The following CYFIP2 variants were observed in gnomAD, a reference collection of about 807,000 sequenced individuals.
The protein encoded by CYFIP2 is cytoplasmic FMR1-interacting protein 2.
Under a neutral mutation model 158.7 loss-of-function variants are expected in CYFIP2, and 29 were observed. That is an observed-to-expected ratio of 0.18 (90% CI 0.14 to 0.25). The LOEUF (loss-of-function observed/expected upper bound fraction) is 0.25, where lower values mean the gene tolerates loss of function less well. CYFIP2 is among the 10% of genes least tolerant of loss of function. The pLI, the probability that CYFIP2 is intolerant of heterozygous loss-of-function variation, is 1.00. For synonymous variants in CYFIP2, 585 were observed against 617.6 expected (o/e 0.95, Z 0.78); for missense variants, 852 against 1,639.5 (o/e 0.52, Z 8.29).
At chr5:157,390,103 G>GC (rs1289364855) in intron 29 of CYFIP2, among the ~76,000 whole-genome samples, 2 of 152,286 alleles carry the variant, frequency 1.3e-5, no homozygotes, top group East Asian at 3.9e-4. Context: ...CCTGCTTCTG[G>GC]CCAGTTGGCC....
At chr5:157,359,256 C>A in intron 24 of CYFIP2, 108 bp downstream of exon 24, 1 of 1,292,708 alleles carries the variant, frequency 7.7e-7, no homozygotes, top group Non-Finnish European at 1.1e-6. Context: ...CCAGGCACTG[C>A]AGCTCTACCT....
intron 26 of CYFIP2, chr5:157,377,084 C>T (rs75971887): frequency 6.4e-4 from 201 of 311,972 alleles, no homozygotes; most frequent in Non-Finnish European, 1.0e-3. Context: ...TCTCCTTTGC[C>T]GCTACTCCTG....
intron 11 of CYFIP2, among the ~76,000 whole-genome samples, chr5:157,313,390 C>T (rs574199496): frequency 2.3e-4 from 35 of 152,312 alleles, no homozygotes; most frequent in African/African-American, 8.2e-4. Context: ...CATGTTACAG[C>T]TTTCTTGCAC....
chr5:157,269,694 T>G (rs559880446), intron 1 of CYFIP2: 340 of 152,298 alleles, frequency 2.2e-3, no homozygotes, highest in African/African-American at 7.9e-3. Context: ...AAGAAACAAT[T>G]TATTAATTAT....
chr5:157,268,676 T>A lies in CYFIP2; in HGVS notation c.-24+2481T>A, dbSNP rs543575987. ...ACAAAATGGCCTTTTGTAGCCTCCA[T>A]GTGGCCACCGTAACAATGAGTCTAT... On this transcript the variant is annotated intron_variant, in intron 1 of 30. Transcript: ENST00000620254. Among the ~76,000 whole-genome samples, 66 of 152,348 alleles carry A rather than the reference T, an allele frequency of 4.3e-4. 1 individual carries two copies. Among genetic ancestry groups the A allele is most frequent in the African/African-American group, 1.6e-3 (65 of 41,580 alleles).
intron 20 of CYFIP2, 123 bp downstream of exon 20, chr5:157,330,973 C>A: frequency 1.4e-6 from 1 of 723,616 alleles, no homozygotes. Flanking sequence ...GTGTGGATTT[C>A]CGAGCCTGGG....
chr5:157,383,923 T>C (rs1366243759), intron 28 of CYFIP2, among the ~76,000 whole-genome samples: 1 of 152,212 alleles, frequency 6.6e-6, no homozygotes, highest in Non-Finnish European at 1.5e-5. Flanking sequence ...CACAGTCAAT[T>C]GGATGAAGCA....
chr5:157,274,614 G>T (rs1299756208), intron 1 of CYFIP2, among the ~76,000 whole-genome samples: 1 of 152,134 alleles, frequency 6.6e-6, no homozygotes, highest in Non-Finnish European at 1.5e-5. Flanking sequence ...GGGTCAAATG[G>T]TAACTGTGTG....
chr5:157,304,341 C>T lies in CYFIP2; in HGVS notation c.770C>T (p.Pro257Leu). Residue 257 changes from proline (P) to leucine (L), a missense_variant, in exon 8 of 31, where the codon CCC becomes CTC. Coordinates refer to ENST00000620254, the MANE Select transcript of CYFIP2 (RefSeq NM_001037333.3). ...DYYENKMYLT[P>L]SEKHMLLKVM... The stretch of plus-strand genomic sequence containing the variant: ...TACGAGAACAAGATGTACCTGACTC[C>T]CAGTGAGAAACATATGCTCCTCAAG... 6.2e-7 allele frequency: 1 copy of T among 1,613,810 alleles called. No homozygotes were observed. Among genetic ancestry groups the T allele is most frequent in the Non-Finnish European group, 8.5e-7 (1 of 1,179,776 alleles).
Position 157,382,676 on chromosome 5 carries a change from A to G in CYFIP2, c.3112+14A>G, listed in dbSNP as rs1426130889. On this transcript the variant is annotated intron_variant, in intron 27 of 30. Transcript: ENST00000620254. ...TCTACATCAAAGGTAAGAAACCACT[A>G]CAGCAGCTGAATAGCCAACTGGCGT... 6.2e-7 allele frequency: 1 copy of G among 1,613,210 alleles called. No individual in the cohort carries two copies. Among genetic ancestry groups the G allele is most frequent in the Non-Finnish European group, 8.5e-7 (1 of 1,179,322 alleles).
chr5:157,327,115 AT>A (rs1454308759), intron 18 of CYFIP2, among the ~76,000 whole-genome samples: 1 of 152,154 alleles, frequency 6.6e-6, no homozygotes, highest in Non-Finnish European at 1.5e-5. Context: ...ATTTGGTTTG[AT>A]TCTTCATGTC....
chr5:157,341,042 C>G, intron 22 of CYFIP2, 28 bp from the exon 23 acceptor site: 1 of 1,601,864 alleles, frequency 6.2e-7, no homozygotes, highest in East Asian at 2.2e-5. Context: ...ACCATATTAA[C>G]TCTTTCCCAT....
intron 26 of CYFIP2, among the ~76,000 whole-genome samples, chr5:157,366,772 G>T (rs1305472116): frequency 1.3e-5 from 2 of 152,186 alleles, no homozygotes; most frequent in Non-Finnish European, 1.5e-5. Context: ...TTCTATTAAT[G>T]TCTAGTGTTT....
intron 15 of CYFIP2, among the ~76,000 whole-genome samples, chr5:157,321,542 C>T (rs1358394848): frequency 6.6e-6 from 1 of 152,194 alleles, no homozygotes; most frequent in East Asian, 1.9e-4. Context: ...TCCCTGCTAC[C>T]TACTTAAGGA....
chr5:157,361,680 G>C lies in CYFIP2; in HGVS notation c.3039+82G>C. Reference sequence around the variant, plus strand: ...CCAAGCAGATATTGAGGCTCCTGCAGCATTGATTTGTGCTTTGAGTACAAG... The same window carrying C: ...CCAAGCAGATATTGAGGCTCCTGCACCATTGATTTGTGCTTTGAGTACAAG... On this transcript the variant is annotated intron_variant, in intron 26 of 30. Coordinates refer to ENST00000620254, the MANE Select transcript of CYFIP2 (RefSeq NM_001037333.3). The surrounding 1 kb of genome is among the most constrained non-coding windows in gnomAD (Gnocchi z 4.4). 2 of 1,549,916 alleles carry C rather than the reference G, an allele frequency of 1.3e-6. No individual in the cohort carries two copies. The highest frequency in any genetic ancestry group is 2.3e-5 in the South Asian group (2 of 86,796).
At chr5:157,377,114 G>A (rs1765560708) in intron 26 of CYFIP2, among the ~76,000 whole-genome samples, 1 of 151,172 alleles carries the variant, frequency 6.6e-6, no homozygotes, top group African/African-American at 2.4e-5. Flanking sequence ...TCTCCTGCTT[G>A]GACTCTTCCA....
At chr5:157,336,536 G>A (rs568378875) in intron 21 of CYFIP2, among the ~76,000 whole-genome samples, 16 of 152,292 alleles carry the variant, frequency 1.1e-4, no homozygotes, top group Admixed American at 8.5e-4. Context: ...TGTGACCTAC[G>A]AGGCCTCACT....
At chr5:157,280,651 T>C (rs1756925759) in intron 1 of CYFIP2, among the ~76,000 whole-genome samples, 1 of 152,080 alleles carries the variant, frequency 6.6e-6, no homozygotes, top group Non-Finnish European at 1.5e-5. Flanking sequence ...ATTTGAAACA[T>C]ATATAAAATT....
At chr5:157,360,504 A>G in intron 25 of CYFIP2, 132 bp downstream of exon 25, 1 of 669,052 alleles carries the variant, frequency 1.5e-6, no homozygotes, top group Non-Finnish European at 2.6e-6. Flanking sequence ...CTACCCCGCC[A>G]CTAGCTAGAT....
Sources: gnomAD v4.1 joint callset for allele counts (sites outside exome capture counted in the v4.1 genomes callset) on GRCh38, gnomAD v4.1.1 for gene constraint, Gnocchi (gnomAD v3.1) non-coding constraint, MANE v1.5 for transcripts, NCBI Gene and HGNC (gene_info 2026-07-23, HGNC 2026-07-21) for gene names.